The following KIF26B variants were observed in gnomAD, a reference collection of about 807,000 sequenced individuals.
KIF26B encodes the protein kinesin family member 26B.
A neutral mutation model predicts 151.2 loss-of-function variants in KIF26B; 63 were observed. The observed-to-expected ratio is 0.42, with a 90% CI of 0.34 to 0.51. The LOEUF is 0.51. KIF26B is among the 20% of genes least tolerant of loss of function. KIF26B has a pLI of 0.07. For missense variants in KIF26B, 2,813 were observed against 2,913.6 expected (o/e 0.97, Z 0.79); for synonymous variants, 1,357 against 1,262.1 (o/e 1.08, Z -1.59).
chr1:245,674,666 C>T (rs1457329667), intron 10 of KIF26B, among the ~76,000 whole-genome samples: 1 of 152,174 alleles, frequency 6.6e-6, no homozygotes, highest in Non-Finnish European at 1.5e-5. Context: ...CCTGATTATG[C>T]TACATTGAAT....
chr1:245,170,252 C>T lies in KIF26B; in HGVS notation c.465+13569C>T, dbSNP rs1003320982. On this transcript the variant is annotated intron_variant, in intron 2 of 14. Transcript: ENST00000407071. This position sits in a 1 kb window ranked among gnomAD's most constrained non-coding sequence, Gnocchi z 4.4. Reference sequence around the variant, plus strand: ...ATTCACAGGGAGCACAGAGTAAGAGCAGCGCCTTCACCTCGGTGGAGCTTA... The same window carrying T: ...ATTCACAGGGAGCACAGAGTAAGAGTAGCGCCTTCACCTCGGTGGAGCTTA... Among the ~76,000 whole-genome samples the T allele has an allele frequency of 1.3e-5, 2 of 152,180 alleles. No individual in the cohort carries two copies. Among genetic ancestry groups the T allele is most frequent in the Non-Finnish European group, 2.9e-5 (2 of 68,038 alleles).
At chr1:245,213,660 C>T (rs1016381580) in intron 2 of KIF26B, among the ~76,000 whole-genome samples, 4 of 152,172 alleles carry the variant, frequency 2.6e-5, no homozygotes, top group Admixed American at 1.3e-4. Context: ...ACCCTGAGAG[C>T]GCTGGGAGCC....
At position 245,542,507 on chromosome 1, in the gene KIF26B, G is replaced by A. The variant is rs144551893; in HGVS notation, c.1350+1557G>A. On this transcript the variant is annotated intron_variant, in intron 5 of 14. Transcript: ENST00000407071. ...CCCAAGGAGGCAGGGAAGTGGCCTG[G>A]GCTGTCTACAGGGCCTGCCCCAGCA... 4.2e-4 allele frequency among the ~76,000 whole-genome samples: 64 copies of A among 152,332 alleles called. 1 individual carries two copies. The highest frequency in any genetic ancestry group is 1.5e-3 in the African/African-American group (62 of 41,574).
At chr1:245,381,399 C>T (rs1297637723) in intron 3 of KIF26B, among the ~76,000 whole-genome samples, 1 of 152,192 alleles carries the variant, frequency 6.6e-6, no homozygotes, top group Non-Finnish European at 1.5e-5. Context: ...CAACCCGCAG[C>T]CTGCAGTCTA....
rs532062688 is a variant in KIF26B, at chr1:245,641,002, A to T, written c.2099-5119A>T. 3.9e-5 allele frequency among the ~76,000 whole-genome samples: 6 copies of T among 152,282 alleles called. No individual in the cohort carries two copies. The South Asian group carries it at 1.2e-3, about 32-fold the overall frequency. ...CATTATTTTTCCTATGCTTTTAAGA[A>T]CTTCTTTAGCATTTATCATAGGCTA... On this transcript the variant is annotated intron_variant, in intron 9 of 14. Coordinates refer to ENST00000407071, the MANE Select transcript of KIF26B (RefSeq NM_018012.4).
chr1:245,692,998 G>A (rs1199773870), intron 12 of KIF26B, among the ~76,000 whole-genome samples: 3 of 152,084 alleles, frequency 2.0e-5, no homozygotes, highest in Admixed American at 6.5e-5. Flanking sequence ...TACACCAGCT[G>A]AGCCCCTACC....
At position 245,241,393 on chromosome 1, in the gene KIF26B, C is replaced by T. The variant is rs1231901195; in HGVS notation, c.465+84710C>T. On this transcript the variant is annotated intron_variant, in intron 2 of 14. Transcript: ENST00000407071. This position sits in a 1 kb window ranked among gnomAD's most constrained non-coding sequence, Gnocchi z 5.0. ...GCCTGCTGGCTGGAGGTTGGCTGTCCGTGGTGGTCTGGTTCTAAGTAGGAG... is the reference window on the plus strand; with the variant it reads ...GCCTGCTGGCTGGAGGTTGGCTGTCTGTGGTGGTCTGGTTCTAAGTAGGAG... Among the ~76,000 whole-genome samples the T allele has an allele frequency of 2.0e-5, 3 of 152,108 alleles. No homozygotes were observed. The highest frequency in any genetic ancestry group is 4.8e-5 in the African/African-American group (2 of 41,416).
intron 5 of KIF26B, among the ~76,000 whole-genome samples, chr1:245,549,977 C>T (rs961219202): frequency 6.6e-5 from 10 of 152,196 alleles, no homozygotes; most frequent in African/African-American, 2.2e-4. Context: ...GGGGGTTTCA[C>T]CATGTTGGCC....
intron 4 of KIF26B, among the ~76,000 whole-genome samples, chr1:245,505,710 T>C (rs1397240187): frequency 6.6e-6 from 1 of 152,232 alleles, no homozygotes; most frequent in Admixed American, 6.5e-5. Context: ...ACAATTGTCA[T>C]TATATACTGT....
chr1:245,340,104 A>G (rs1672307359), intron 2 of KIF26B, among the ~76,000 whole-genome samples: 1 of 152,246 alleles, frequency 6.6e-6, no homozygotes, highest in Non-Finnish European at 1.5e-5. Flanking sequence ...AAAATGTTCC[A>G]GCTGAGCTAG....
chr1:245,242,157 A>G (rs1670220037), intron 2 of KIF26B, among the ~76,000 whole-genome samples: 1 of 152,244 alleles, frequency 6.6e-6, no homozygotes, highest in African/African-American at 2.4e-5. Context: ...TTGGGAGGCC[A>G]TGGCTGGAGG....
At chr1:245,578,322 G>A (rs548596503) in intron 5 of KIF26B, among the ~76,000 whole-genome samples, 5 of 152,352 alleles carry the variant, frequency 3.3e-5, no homozygotes, top group South Asian at 4.1e-4. Context: ...AATGGGACTC[G>A]TTCTCAGCCA....
Position 245,222,403 on chromosome 1 carries a change from C to T in KIF26B, c.465+65720C>T, listed in dbSNP as rs573554539. 3.9e-5 allele frequency among the ~76,000 whole-genome samples: 6 copies of T among 152,258 alleles called. No homozygotes were observed. The South Asian group carries it at 1.2e-3, about 32-fold the overall frequency. On this transcript the variant is annotated intron_variant, in intron 2 of 14. Transcript: ENST00000407071. Reference sequence around the variant, plus strand: ...AGTGTGTCGAGATCGTACCATTGCCCTCCAGCCTGGGTGACTAGAGTGAGA... The same window carrying T: ...AGTGTGTCGAGATCGTACCATTGCCTTCCAGCCTGGGTGACTAGAGTGAGA...
At chr1:245,208,961 G>A (rs1324504820) in intron 2 of KIF26B, among the ~76,000 whole-genome samples, 1 of 152,202 alleles carries the variant, frequency 6.6e-6, no homozygotes, top group Non-Finnish European at 1.5e-5. Flanking sequence ...GTATGAAGAT[G>A]AAACCAACTG....
Position 245,609,540 on chromosome 1 carries a change from T to G in KIF26B, c.1914+12T>G, listed in dbSNP as rs1214634680. Reference sequence around the variant, plus strand: ...TCTGCGGCACGCAGGTGATTGCTTCTGAAGCCTGGCTCGCCCCAAGGTGGC... The same window carrying G: ...TCTGCGGCACGCAGGTGATTGCTTCGGAAGCCTGGCTCGCCCCAAGGTGGC... On this transcript the variant is annotated intron_variant, in intron 8 of 14. Transcript: ENST00000407071. The G allele has an allele frequency of 2.6e-6, 4 of 1,518,622 alleles. No homozygotes were observed. Among genetic ancestry groups the G allele is most frequent in the Non-Finnish European group, 3.5e-6 (4 of 1,132,230 alleles). The allele number at this position is 1,518,622 out of a possible 1,614,324, so 94.1% of individuals were successfully genotyped here. A position where few individuals can be genotyped will look rare whatever the true frequency, so the allele number is the denominator to read the frequency against.
chr1:245,685,556 G>C lies in KIF26B; in HGVS notation c.2573G>C (p.Ser858Thr). 1 of 1,613,792 alleles carries C rather than the reference G, an allele frequency of 6.2e-7. No individual in the cohort carries two copies. Among genetic ancestry groups the C allele is most frequent in the Non-Finnish European group, 8.5e-7 (1 of 1,179,876 alleles). The change falls in exon 12 of 15, where the codon AGC (serine) becomes ACC (threonine). Residue 858 changes from serine (S) to threonine (T), a missense_variant. Transcript: ENST00000407071. ...AGCGACCCCGACTACTCCTCCAGCA[G>C]CGAGCAGTCCTGCGACACCGTCATC... ...LSSDPDYSSS[S>T]EQSCDTVIYI...
rs149454621 is a variant in KIF26B, at chr1:245,325,472, G to T, written c.466-41362G>T. Among the ~76,000 whole-genome samples the T allele has an allele frequency of 1.8e-4, 28 of 152,298 alleles. No individual in the cohort carries two copies. The East Asian group carries it at 5.2e-3, about 28-fold the overall frequency. On this transcript the variant is annotated intron_variant, in intron 2 of 14. Transcript: ENST00000407071. ...CTCACGCCAGTAATCCCAGCACTTT[G>T]GAAAGCCGAGGCAGGCAGATCACCT...
chr1:245,349,628 T>C (rs1273114731), intron 2 of KIF26B, among the ~76,000 whole-genome samples: 1 of 151,738 alleles, frequency 6.6e-6, no homozygotes, highest in Non-Finnish European at 1.5e-5. Flanking sequence ...TAAAGGTTTT[T>C]TCAGAATGCC....
At chr1:245,224,832 A>G (rs1669843529) in intron 2 of KIF26B, among the ~76,000 whole-genome samples, 1 of 152,228 alleles carries the variant, frequency 6.6e-6, no homozygotes, top group Admixed American at 6.5e-5. Context: ...TGGAGTAGAA[A>G]AAGTTTACTG....
Sources: allele counts gnomAD v4.1 joint callset (sites outside exome capture counted in the v4.1 genomes callset), GRCh38; gene constraint gnomAD v4.1.1; non-coding constraint Gnocchi (gnomAD v3.1); transcripts MANE v1.5; gene names NCBI Gene and HGNC (gene_info 2026-07-23, HGNC 2026-07-21).